The following ADGRL3 variants were observed in gnomAD, a reference collection of about 807,000 sequenced individuals.
ADGRL3 encodes the protein adhesion G protein-coupled receptor L3.
A neutral mutation model predicts 153.5 loss-of-function variants in ADGRL3; 62 were observed. The observed-to-expected ratio is 0.40, with a 90% CI of 0.33 to 0.50. ADGRL3 has a LOEUF of 0.50. Among genes scored for constraint, ADGRL3 ranks in the 20% least tolerant of loss-of-function variants. ADGRL3 has a pLI of 0.47. For synonymous variants in ADGRL3, 710 were observed against 672.5 expected (o/e 1.06, Z -0.86); for missense variants, 1,641 against 1,859.4 (o/e 0.88, Z 2.16).
chr4:62,040,276 T>A (rs1050725629), intron 24 of ADGRL3, among the ~76,000 whole-genome samples: 3 of 152,040 alleles, frequency 2.0e-5, no homozygotes, highest in African/African-American at 7.2e-5. Flanking sequence ...TATATATTTT[T>A]AAGTTGTATC....
intron 5 of ADGRL3, among the ~76,000 whole-genome samples, chr4:61,666,807 A>G (rs1275927959): frequency 6.6e-6 from 1 of 152,150 alleles, no homozygotes; most frequent in Non-Finnish European, 1.5e-5. Context: ...GGTTAACCAT[A>G]CATACAAATA....
intron 8 of ADGRL3, among the ~76,000 whole-genome samples, chr4:61,735,218 A>G (rs2096493193): frequency 6.6e-6 from 1 of 152,248 alleles, no homozygotes; most frequent in African/African-American, 2.4e-5. Context: ...GAATGAATGA[A>G]TGAATGGCTT....
At chr4:61,427,949 A>G (rs1365011201) in intron 2 of ADGRL3, 1 of 152,820 alleles carries the variant, frequency 6.5e-6, no homozygotes, top group Non-Finnish European at 1.5e-5. Flanking sequence ...CTCCATGGTC[A>G]TGGGAGACCC....
At chr4:61,204,656 T>C (rs2148731884) in intron 1 of ADGRL3, among the ~76,000 whole-genome samples, 1 of 152,374 alleles carries the variant, frequency 6.6e-6, no homozygotes, top group Admixed American at 6.5e-5. Context: ...TTCAGTAACC[T>C]GATCTATTTG....
chr4:61,589,308 C>T (rs557537953), intron 5 of ADGRL3, among the ~76,000 whole-genome samples: 2 of 152,052 alleles, frequency 1.3e-5, no homozygotes, highest in African/African-American at 4.8e-5. Flanking sequence ...TAGACTTGTC[C>T]AAAGTAAATG....
chr4:61,999,781 T>C (rs894135788), intron 21 of ADGRL3, among the ~76,000 whole-genome samples: 1 of 152,156 alleles, frequency 6.6e-6, no homozygotes, highest in Non-Finnish European at 1.5e-5. Flanking sequence ...AAGTAGTTAA[T>C]TTTGTTGAAG....
intron 1 of ADGRL3, among the ~76,000 whole-genome samples, chr4:61,289,303 G>C (rs116300549): frequency 1.5e-3 from 227 of 152,016 alleles, no homozygotes; most frequent in African/African-American, 4.6e-3. Flanking sequence ...TTTCCTCTGA[G>C]TAAAATTTGC....
rs753740685 is a variant in ADGRL3, at chr4:61,733,107, C to T, written c.952C>T (p.His318Tyr). 2 of 1,613,456 alleles carry T rather than the reference C, an allele frequency of 1.2e-6. No homozygotes were observed. Among genetic ancestry groups the T allele is most frequent in the Non-Finnish European group, 8.5e-7 (1 of 1,179,734 alleles). Reference sequence around the variant, plus strand: ...GGCTATCATAGCAAATGCCAATTACCATGATACCTCCCCTTACCGATGGGG... The same window carrying T: ...GGCTATCATAGCAAATGCCAATTACTATGATACCTCCCCTTACCGATGGGG... ...GEAIIANANY[H>Y]DTSPYRWGGK... The change falls in exon 8 of 27, where the codon CAT (histidine) becomes TAT (tyrosine). Residue 318 changes from histidine (H) to tyrosine (Y), a missense_variant. Transcript: ENST00000683033.
At chr4:61,674,125 T>C (rs1269892154) in intron 5 of ADGRL3, among the ~76,000 whole-genome samples, 1 of 147,262 alleles carries the variant, frequency 6.8e-6, no homozygotes, top group Non-Finnish European at 1.5e-5. Context: ...ATATATAATA[T>C]GTAAATTTGT....
chr4:61,291,218 G>GCACACACACACA (rs765771949), intron 1 of ADGRL3, among the ~76,000 whole-genome samples: 2 of 134,006 alleles, frequency 1.5e-5, no homozygotes, highest in Admixed American at 1.5e-4. Flanking sequence ...ACACACACAC[G>GCACACACACACA]CACACACACA....
At chr4:61,922,268 C>T (rs1415942484) in intron 13 of ADGRL3, among the ~76,000 whole-genome samples, 2 of 152,136 alleles carry the variant, frequency 1.3e-5, no homozygotes, top group African/African-American at 4.8e-5. Context: ...ACCATATATA[C>T]TTCTGTAATT....
At chr4:61,266,740 C>A (rs2092870043) in intron 1 of ADGRL3, among the ~76,000 whole-genome samples, 1 of 151,644 alleles carries the variant, frequency 6.6e-6, no homozygotes, top group South Asian at 2.1e-4. Flanking sequence ...TCTAAGCCTT[C>A]CAAATATATT....
chr4:61,957,329 C>G (rs1404465798), intron 17 of ADGRL3, among the ~76,000 whole-genome samples: 3 of 152,028 alleles, frequency 2.0e-5, no homozygotes, highest in African/African-American at 7.2e-5. Context: ...CGATTTGGCT[C>G]TCTACTTGTC....
intron 4 of ADGRL3, among the ~76,000 whole-genome samples, chr4:61,526,842 A>G (rs2098565156): frequency 6.6e-6 from 1 of 152,162 alleles, no homozygotes; most frequent in South Asian, 2.1e-4. Context: ...TGAGATAAGT[A>G]GAGAAACACT....
intron 4 of ADGRL3, among the ~76,000 whole-genome samples, chr4:61,535,227 T>G (rs1045593124): frequency 1.3e-5 from 2 of 152,076 alleles, no homozygotes; most frequent in Non-Finnish European, 2.9e-5. Flanking sequence ...ATTTGGTGCA[T>G]GGAGTAAATC....
chr4:61,390,296 C>T (rs2096787267), intron 2 of ADGRL3, among the ~76,000 whole-genome samples: 1 of 152,096 alleles, frequency 6.6e-6, no homozygotes, highest in South Asian at 2.1e-4. Context: ...TGATCCTTGT[C>T]TTGACCAGAC....
intron 4 of ADGRL3, among the ~76,000 whole-genome samples, chr4:61,586,766 C>A (rs1023961595): frequency 6.6e-6 from 1 of 151,846 alleles, no homozygotes; most frequent in African/African-American, 2.4e-5. Context: ...AAACAATGGA[C>A]GTATGTTGTA....
At chr4:61,444,477 A>G (rs1182539525) in intron 2 of ADGRL3, among the ~76,000 whole-genome samples, 1 of 152,056 alleles carries the variant, frequency 6.6e-6, no homozygotes, top group Non-Finnish European at 1.5e-5. Flanking sequence ...ACCTTGGCCT[A>G]CCTTCCTTAG....
chr4:61,549,346 A>G (rs1398645853), intron 4 of ADGRL3, among the ~76,000 whole-genome samples: 1 of 152,058 alleles, frequency 6.6e-6, no homozygotes, highest in Admixed American at 6.6e-5. Flanking sequence ...CAAGGCTTCC[A>G]GTACTCTGTT....
Sources: allele counts gnomAD v4.1 joint callset (sites outside exome capture counted in the v4.1 genomes callset), GRCh38; gene constraint gnomAD v4.1.1; transcripts MANE v1.5; gene names NCBI Gene and HGNC (gene_info 2026-07-23, HGNC 2026-07-21).